LRP1B: variants seen among roughly 807,000 people sequenced by gnomAD.
LRP1B encodes low-density lipoprotein receptor-related protein 1B.
A neutral mutation model predicts 556.6 loss-of-function variants in LRP1B; 217 were observed. The ratio of observed to expected loss-of-function variants is 0.39; its 90% CI spans 0.35 to 0.44. The LOEUF (loss-of-function observed/expected upper bound fraction) is 0.44, where lower values mean the gene tolerates loss of function less well. Among genes scored for constraint, LRP1B ranks in the 20% least tolerant of loss-of-function variants. The pLI, the probability that LRP1B is intolerant of heterozygous loss-of-function variation, is 1.00. For synonymous variants in LRP1B, 2,047 were observed against 1,865.8 expected (o/e 1.10, Z -2.50); for missense variants, 5,053 against 5,620.8 (o/e 0.90, Z 3.23).
At chr2:141,871,703 A>G (rs976338304) in intron 1 of LRP1B, among the ~76,000 whole-genome samples, 7 of 151,978 alleles carry the variant, frequency 4.6e-5, no homozygotes, top group Non-Finnish European at 8.8e-5. Flanking sequence ...ATATATAAAG[A>G]TAATAACTCA....
Position 140,973,428 on chromosome 2 carries a change from G to C in LRP1B, c.2887+8732C>G, listed in dbSNP as rs151329087. 6.6e-4 allele frequency among the ~76,000 whole-genome samples: 101 copies of C among 152,148 alleles called. 1 individual carries two copies. The highest frequency in any genetic ancestry group is 2.3e-3 in the African/African-American group (97 of 41,550). ...AGTTAAGAATTGTAGGAGGATGGGG[G>C]GGTAGAGAGGACCTCACTCATGTAC... is the stretch of plus-strand genomic sequence containing the variant. On this transcript the variant is annotated intron_variant, in intron 18 of 90. Coordinates refer to ENST00000389484, the MANE Select transcript of LRP1B (RefSeq NM_018557.3).
At chr2:141,229,562 A>G (rs1683381822) in intron 5 of LRP1B, 122 bp from the exon 6 acceptor site, 1 of 767,670 alleles carries the variant, frequency 1.3e-6, no homozygotes, top group African/African-American at 1.8e-5. Flanking sequence ...AAATTTTCTT[A>G]TAAAAAAACT....
intron 7 of LRP1B, among the ~76,000 whole-genome samples, chr2:141,080,997 AAATTTTTGT>A (rs2104883352): frequency 6.6e-6 from 1 of 152,164 alleles, no homozygotes; most frequent in East Asian, 1.9e-4. Flanking sequence ...CATGCCAGAC[AAATTTTTGT>A]AATTTTTGTA....
At chr2:140,845,288 G>A (rs1030315006) in intron 29 of LRP1B, among the ~76,000 whole-genome samples, 1 of 152,124 alleles carries the variant, frequency 6.6e-6, no homozygotes, top group Non-Finnish European at 1.5e-5. Flanking sequence ...TTCTGGGTCA[G>A]CTATTATTTT....
intron 41 of LRP1B, among the ~76,000 whole-genome samples, chr2:140,614,492 T>C (rs1422421327): frequency 6.6e-6 from 1 of 152,108 alleles, no homozygotes; most frequent in Non-Finnish European, 1.5e-5. Flanking sequence ...CTAAAAAGAA[T>C]ATTCAGGGAA....
At chr2:140,430,441 AG>A (rs1168305108) in intron 66 of LRP1B, among the ~76,000 whole-genome samples, 1 of 152,190 alleles carries the variant, frequency 6.6e-6, no homozygotes, top group East Asian at 1.9e-4. Context: ...TCACTTCCAA[AG>A]GAAGCTGGAG....
intron 35 of LRP1B, among the ~76,000 whole-genome samples, chr2:140,741,548 C>G (rs2104868186): frequency 1.3e-5 from 2 of 152,002 alleles, no homozygotes; most frequent in South Asian, 4.1e-4. Flanking sequence ...AATTGCATAT[C>G]ACAGGAGTTT....
At chr2:140,729,374 C>A (rs539847731) in intron 35 of LRP1B, among the ~76,000 whole-genome samples, 1 of 152,206 alleles carries the variant, frequency 6.6e-6, no homozygotes, top group South Asian at 2.1e-4. Context: ...TAGAAATTGC[C>A]TATGCTTACT....
chr2:140,404,168 C>CTTTTTT (rs68017900), intron 66 of LRP1B, among the ~76,000 whole-genome samples: 31 of 92,428 alleles, frequency 3.4e-4, no homozygotes, highest in Non-Finnish European at 4.7e-4. Context: ...AATAGAACTT[C>CTTTTTT]TTTTTTTTTT....
intron 35 of LRP1B, among the ~76,000 whole-genome samples, chr2:140,736,807 G>A (rs1687961291): frequency 6.6e-6 from 1 of 152,120 alleles, no homozygotes; most frequent in Non-Finnish European, 1.5e-5. Flanking sequence ...AGGACTTCAT[G>A]TCTAAAATAT....
At chr2:140,631,471 G>A (rs181080581) in intron 41 of LRP1B, among the ~76,000 whole-genome samples, 1 of 152,250 alleles carries the variant, frequency 6.6e-6, no homozygotes, top group East Asian at 1.9e-4. Flanking sequence ...GAAACTATAC[G>A]AGTTAAAAGT....
intron 41 of LRP1B, among the ~76,000 whole-genome samples, chr2:140,625,058 C>A (rs1195593166): frequency 6.6e-6 from 1 of 152,076 alleles, no homozygotes; most frequent in African/African-American, 2.4e-5. Flanking sequence ...GGAGAACATG[C>A]AGGATCTTTC....
chr2:141,910,342 C>A (rs1329427510), intron 1 of LRP1B, among the ~76,000 whole-genome samples: 1 of 152,116 alleles, frequency 6.6e-6, no homozygotes, highest in African/African-American at 2.4e-5. Context: ...CCATTAAGAT[C>A]ATTTACTCTG....
intron 1 of LRP1B, among the ~76,000 whole-genome samples, chr2:142,080,151 C>T (rs978622867): frequency 6.6e-6 from 1 of 151,916 alleles, no homozygotes; most frequent in African/African-American, 2.4e-5. Flanking sequence ...CAACTGCATC[C>T]CCACATGTGT....
At chr2:141,428,636 A>T (rs2104979401) in intron 3 of LRP1B, among the ~76,000 whole-genome samples, 1 of 152,244 alleles carries the variant, frequency 6.6e-6, no homozygotes, top group East Asian at 1.9e-4. Context: ...AGGTCCTGAG[A>T]TGCTTTGGCT....
At chr2:141,826,331 T>A (rs1184508662) in intron 1 of LRP1B, among the ~76,000 whole-genome samples, 1 of 151,250 alleles carries the variant, frequency 6.6e-6, no homozygotes, top group Non-Finnish European at 1.5e-5. Flanking sequence ...GACCATTATA[T>A]GACTTTTCCA....
chr2:140,729,530 G>GA (rs989353570), intron 35 of LRP1B, among the ~76,000 whole-genome samples: 7 of 151,522 alleles, frequency 4.6e-5, no homozygotes, highest in South Asian at 2.1e-4. Context: ...GGACTTTCAG[G>GA]AAAAAAAATA....
At chr2:141,421,155 C>A (rs1680122463) in intron 3 of LRP1B, among the ~76,000 whole-genome samples, 1 of 152,212 alleles carries the variant, frequency 6.6e-6, no homozygotes, top group Non-Finnish European at 1.5e-5. Context: ...ACAAGGGCTG[C>A]AACTTCCTAT....
At chr2:141,906,058 C>G (rs1294454901) in intron 1 of LRP1B, among the ~76,000 whole-genome samples, 1 of 149,376 alleles carries the variant, frequency 6.7e-6, no homozygotes, top group African/African-American at 2.5e-5. Flanking sequence ...AAGGACTAGA[C>G]AAGTGGGAGG....
Sources: gnomAD v4.1 joint callset for allele counts (sites outside exome capture counted in the v4.1 genomes callset) on GRCh38, gnomAD v4.1.1 for gene constraint, MANE v1.5 for transcripts, NCBI Gene and HGNC (gene_info 2026-07-23, HGNC 2026-07-21) for gene names.